SPTLC3: variants seen among roughly 807,000 people sequenced by gnomAD.
SPTLC3 encodes serine palmitoyltransferase long chain base subunit 3.
Under a neutral mutation model 59.3 loss-of-function variants are expected in SPTLC3, and 36 were observed. That is an observed-to-expected ratio of 0.61 (90% CI 0.47 to 0.80). The LOEUF (loss-of-function observed/expected upper bound fraction) is 0.80, where lower values mean the gene tolerates loss of function less well. Among genes scored for constraint, SPTLC3 ranks in the 30% least tolerant of loss-of-function variants. SPTLC3 has a pLI of 0.00. For synonymous variants in SPTLC3, 257 were observed against 240.8 expected (o/e 1.07, Z -0.62); for missense variants, 625 against 685.1 (o/e 0.91, Z 0.98).
intron 2 of SPTLC3, among the ~76,000 whole-genome samples, chr20:13,052,834 C>T (rs1987553978): frequency 6.6e-6 from 1 of 152,140 alleles, no homozygotes; most frequent in South Asian, 2.1e-4. Flanking sequence ...GCCAGACTGC[C>T]ACTCTAGATT....
chr20:13,064,182 A>G (rs972306977), intron 2 of SPTLC3, among the ~76,000 whole-genome samples: 3 of 150,466 alleles, frequency 2.0e-5, no homozygotes, highest in Admixed American at 1.3e-4. Flanking sequence ...GGCATGAGCC[A>G]CCGCACCTGG....
At chr20:13,122,236 G>A (rs1430666275) in intron 8 of SPTLC3, among the ~76,000 whole-genome samples, 1 of 152,144 alleles carries the variant, frequency 6.6e-6, no homozygotes, top group Non-Finnish European at 1.5e-5. Context: ...TGCTCTCAAG[G>A]AAGTTTCAGT....
intron 7 of SPTLC3, among the ~76,000 whole-genome samples, chr20:13,113,212 C>T (rs940874656): frequency 2.0e-5 from 3 of 152,012 alleles, no homozygotes; most frequent in African/African-American, 7.3e-5. Flanking sequence ...AATTATTTCC[C>T]GTAGGATTTT....
At chr20:13,157,600 C>T (rs1425210628) in intron 10 of SPTLC3, among the ~76,000 whole-genome samples, 3 of 151,798 alleles carry the variant, frequency 2.0e-5, no homozygotes, top group Non-Finnish European at 4.4e-5. Flanking sequence ...ATTAAAGCAA[C>T]ACAGAGTCTA....
chr20:13,031,083 C>T (rs747296216), intron 1 of SPTLC3, among the ~76,000 whole-genome samples: 1 of 152,106 alleles, frequency 6.6e-6, no homozygotes, highest in East Asian at 1.9e-4. Context: ...GGAAATGCAG[C>T]CATAGGCAAT....
chr20:13,095,298 G>A (rs529381496), intron 6 of SPTLC3, among the ~76,000 whole-genome samples: 6 of 152,282 alleles, frequency 3.9e-5, no homozygotes, highest in African/African-American at 9.6e-5. Flanking sequence ...AGACGTAGTC[G>A]GGGTGTTATC....
intron 3 of SPTLC3, chr20:13,074,006 G>A: frequency 1.6e-6 from 1 of 621,772 alleles, no homozygotes; most frequent in East Asian, 3.9e-5. Flanking sequence ...ATCGGAGATA[G>A]TCCTGTCTCC....
intron 4 of SPTLC3, among the ~76,000 whole-genome samples, chr20:13,075,668 T>C (rs1246830612): frequency 6.6e-6 from 1 of 151,962 alleles, no homozygotes; most frequent in Non-Finnish European, 1.5e-5. Flanking sequence ...AAGGACTGGG[T>C]CACCGGTGAT....
intron 1 of SPTLC3, among the ~76,000 whole-genome samples, chr20:13,035,564 G>T (rs1474579207): frequency 2.0e-5 from 3 of 152,146 alleles, no homozygotes. Flanking sequence ...AAGGTGCTGT[G>T]TCCAAATAAA....
intron 9 of SPTLC3, among the ~76,000 whole-genome samples, chr20:13,139,767 G>A (rs150351951): frequency 2.6e-3 from 391 of 152,252 alleles, no homozygotes; most frequent in Non-Finnish European, 4.4e-3. Flanking sequence ...TCTTTCCTCC[G>A]ACTTTCTGAT....
intron 7 of SPTLC3, among the ~76,000 whole-genome samples, chr20:13,113,196 AC>A (rs1990340636): frequency 6.6e-6 from 1 of 152,236 alleles, no homozygotes; most frequent in Admixed American, 6.5e-5. Context: ...AACAACAACA[AC>A]AAAAAATTAT....
At chr20:13,120,820 T>C (rs1166366248) in intron 8 of SPTLC3, among the ~76,000 whole-genome samples, 1 of 152,220 alleles carries the variant, frequency 6.6e-6, no homozygotes, top group East Asian at 1.9e-4. Flanking sequence ...ATCCCCACTT[T>C]CCACCTCAAG....
intron 9 of SPTLC3, among the ~76,000 whole-genome samples, chr20:13,128,175 C>T (rs2038037689): frequency 6.6e-6 from 1 of 152,182 alleles, no homozygotes; most frequent in African/African-American, 2.4e-5. Flanking sequence ...TGTATAATTG[C>T]TTGCTACTAT....
chr20:13,155,182 T>C (rs1032207833), intron 10 of SPTLC3, among the ~76,000 whole-genome samples: 7 of 151,052 alleles, frequency 4.6e-5, no homozygotes, highest in Non-Finnish European at 1.0e-4. Context: ...AATGAGACCC[T>C]GTCAAAAAAA....
At chr20:13,122,899 G>A (rs190008470) in intron 8 of SPTLC3, among the ~76,000 whole-genome samples, 6 of 152,264 alleles carry the variant, frequency 3.9e-5, no homozygotes, top group South Asian at 2.1e-4. Context: ...CTACCAATGC[G>A]TAGTCACACA....
At chr20:13,159,049 A>G (rs1476042487) in intron 10 of SPTLC3, among the ~76,000 whole-genome samples, 1 of 152,236 alleles carries the variant, frequency 6.6e-6, no homozygotes, top group Non-Finnish European at 1.5e-5. Context: ...CAGAGCCCAA[A>G]GGGGAAAAAG....
intron 1 of SPTLC3, among the ~76,000 whole-genome samples, chr20:13,014,765 A>G (rs751168348): frequency 1.3e-5 from 2 of 151,402 alleles, no homozygotes; most frequent in Middle Eastern, 6.8e-3. Context: ...ATGGCGTACA[A>G]CACATCTCAA....
At chr20:13,020,161 A>T (rs577414069) in intron 1 of SPTLC3, among the ~76,000 whole-genome samples, 1 of 152,278 alleles carries the variant, frequency 6.6e-6, no homozygotes, top group African/African-American at 2.4e-5. Flanking sequence ...AGAATATCAC[A>T]CATAACACAA....
intron 8 of SPTLC3, 140 bp from the exon 9 acceptor site, chr20:13,126,451 G>T: frequency 1.0e-6 from 1 of 974,634 alleles, no homozygotes. Context: ...GAAAACCATT[G>T]AAAGTTGGAC....
Sources: gnomAD v4.1 joint callset for allele counts (sites outside exome capture counted in the v4.1 genomes callset) on GRCh38, gnomAD v4.1.1 for gene constraint, MANE v1.5 for transcripts, NCBI Gene and HGNC (gene_info 2026-07-23, HGNC 2026-07-21) for gene names.